The following IP6K1 variants were observed in gnomAD, a reference collection of about 807,000 sequenced individuals.
IP6K1 encodes the protein ATP:1D-myo-inositol-hexakisphosphate phosphotransferase.
Under a neutral mutation model 38.3 loss-of-function variants are expected in IP6K1, and 13 were observed. The observed-to-expected ratio is 0.34, with a 90% CI of 0.22 to 0.54. IP6K1 has a LOEUF of 0.54. IP6K1 is among the 20% of genes least tolerant of loss of function. The probability of loss-of-function intolerance (pLI) is 0.92; values close to 1 mark genes in which losing one functional copy is unlikely to be tolerated. For missense variants in IP6K1, 397 were observed against 599.8 expected (o/e 0.66, Z 3.53); for synonymous variants, 212 against 229.9 (o/e 0.92, Z 0.70).
intron 1 of IP6K1, among the ~76,000 whole-genome samples, chr3:49,752,782 C>T (rs1211379878): frequency 7.1e-6 from 1 of 140,706 alleles, no homozygotes; most frequent in South Asian, 2.2e-4. Flanking sequence ...GAGACAGAGT[C>T]TCACTTCGTC....
At chr3:49,765,560 G>C (rs1386593970) in intron 1 of IP6K1, among the ~76,000 whole-genome samples, 2 of 142,524 alleles carry the variant, frequency 1.4e-5, no homozygotes, top group East Asian at 4.2e-4. Context: ...TGAAGCAGAA[G>C]AATCACTTGA....
At chr3:49,751,132 G>A (rs1333786969) in intron 1 of IP6K1, among the ~76,000 whole-genome samples, 1 of 142,890 alleles carries the variant, frequency 7.0e-6, no homozygotes, top group African/African-American at 2.6e-5. Flanking sequence ...CCTGGAAATA[G>A]CAACGGCTCT....
In IP6K1 at chr3:49,761,111, C is replaced by G. The variant is rs1015717329; in HGVS notation, c.-128-12943G>C. Among the ~76,000 whole-genome samples, 3 of 150,260 alleles carry G rather than the reference C, an allele frequency of 2.0e-5. No individual in the cohort carries two copies. The East Asian group carries it at 5.9e-4, about 29-fold the overall frequency. ...CGAATGGATCACGAGGTCAAGAGAT[C>G]GAGACCATCCTGGCCAACACGGTGA... On this transcript the variant is annotated intron_variant, in intron 1 of 5. Coordinates refer to ENST00000321599, the MANE Select transcript of IP6K1 (RefSeq NM_153273.4).
chr3:49,783,419 A>C (rs1384937743), intron 1 of IP6K1, among the ~76,000 whole-genome samples: 1 of 151,790 alleles, frequency 6.6e-6, no homozygotes, highest in Non-Finnish European at 1.5e-5. Flanking sequence ...AATTTTGAAA[A>C]GCTAATATTT....
chr3:49,761,075 G>A (rs945740880), intron 1 of IP6K1, among the ~76,000 whole-genome samples: 6 of 152,100 alleles, frequency 3.9e-5, no homozygotes, highest in African/African-American at 1.4e-4. Flanking sequence ...CAGCACTTTG[G>A]GAGGCCGAGG....
At position 49,747,681 on chromosome 3, in the gene IP6K1, T is replaced by G; in HGVS notation, c.223+137A>C. The G allele has an allele frequency of 8.9e-6, 10 of 1,128,202 alleles. No homozygotes were observed. In the South Asian group the frequency reaches 1.6e-4, roughly 18 times the overall value. The allele number at this position is 1,128,202 out of a possible 1,614,324, so 69.9% of individuals were successfully genotyped here. ...TGCTGATGCTTTCAGCCTCTAATTTTATCTAACAAAGTGACTTCGTGCTTT... is the reference window on the plus strand; with the variant it reads ...TGCTGATGCTTTCAGCCTCTAATTTGATCTAACAAAGTGACTTCGTGCTTT... On this transcript the variant is annotated intron_variant, in intron 2 of 5. Coordinates refer to ENST00000321599, the MANE Select transcript of IP6K1 (RefSeq NM_153273.4).
rs965234290 is a variant in IP6K1, at chr3:49,747,723, A to T, written c.223+95T>A. 15 of 1,523,550 alleles carry T rather than the reference A, an allele frequency of 9.8e-6. No individual in the cohort carries two copies. The African/African-American group carries it at 1.8e-4, about 18-fold the overall frequency. The allele number at this position is 1,523,550 out of a possible 1,614,324, so 94.4% of individuals were successfully genotyped here. A position where few individuals can be genotyped will look rare whatever the true frequency, so the allele number is the denominator to read the frequency against. On this transcript the variant is annotated intron_variant, in intron 2 of 5. Coordinates refer to ENST00000321599, the MANE Select transcript of IP6K1 (RefSeq NM_153273.4). ...TCGTGCTTTGAGAAAAAAGACCTACAATGATATATCATGGCAAACAAACCA... is the reference window on the plus strand; with the variant it reads ...TCGTGCTTTGAGAAAAAAGACCTACTATGATATATCATGGCAAACAAACCA...
At chr3:49,744,401 C>CAAAAAAAAAA (rs56916226) in intron 2 of IP6K1, among the ~76,000 whole-genome samples, 1 of 76,178 alleles carries the variant, frequency 1.3e-5, no homozygotes, top group Non-Finnish European at 2.3e-5. Flanking sequence ...GACTCCGTCT[C>CAAAAAAAAAA]AAAAAAAAAA....
intron 3 of IP6K1, among the ~76,000 whole-genome samples, chr3:49,733,723 A>C (rs1234928192): frequency 6.6e-6 from 1 of 152,218 alleles, no homozygotes; most frequent in African/African-American, 2.4e-5. Flanking sequence ...AGAAACTAGA[A>C]AAGTGGTTGC....
At chr3:49,732,392 T>A (rs1293740394) in intron 4 of IP6K1, among the ~76,000 whole-genome samples, 1 of 152,218 alleles carries the variant, frequency 6.6e-6, no homozygotes, top group East Asian at 1.9e-4. Flanking sequence ...ATTGTGGACA[T>A]GATCAATATA....
intron 1 of IP6K1, among the ~76,000 whole-genome samples, chr3:49,763,880 C>T (rs545759864): frequency 2.8e-4 from 43 of 151,816 alleles, no homozygotes; most frequent in Admixed American, 5.9e-4. Context: ...AAATTAGCTG[C>T]GCATGGTGGC....
chr3:49,734,778 A>T (rs1013706102), intron 3 of IP6K1, among the ~76,000 whole-genome samples: 1 of 152,164 alleles, frequency 6.6e-6, no homozygotes. Context: ...AAACCCAAAG[A>T]AGTTCTCTGC....
chr3:49,727,286 A>AG lies in IP6K1; in HGVS notation c.1161dup (p.Ser388LeufsTer12), dbSNP rs1235499850. The AG allele has an allele frequency of 6.2e-7, 1 of 1,614,008 alleles. No homozygotes were observed. Among genetic ancestry groups the AG allele is most frequent in the Non-Finnish European group, 8.5e-7 (1 of 1,180,016 alleles). ...CGGACATCCACCTTGGGCTGAGAGGAGGGACCCGCCTCGGGGCTGGTGTTG... is the reference window on the plus strand; with the variant it reads ...CGGACATCCACCTTGGGCTGAGAGGAGGGGACCCGCCTCGGGGCTGGTGTTG... On this transcript the variant is annotated frameshift_variant, in exon 6 of 6. Transcript: ENST00000321599. LOFTEE classifies it high-confidence loss of function. The surrounding 1 kb of genome is among the most constrained non-coding windows in gnomAD (Gnocchi z 5.9).
intron 1 of IP6K1, among the ~76,000 whole-genome samples, chr3:49,777,072 T>G (rs1559716322): frequency 4.0e-5 from 6 of 151,854 alleles, no homozygotes. Flanking sequence ...CCATCTCTAC[T>G]AAAAAAATCA....
intron 4 of IP6K1, among the ~76,000 whole-genome samples, chr3:49,731,871 G>C (rs1016805406): frequency 4.1e-5 from 2 of 48,560 alleles, no homozygotes; most frequent in Non-Finnish European, 9.2e-5. Flanking sequence ...CTGGGTAACA[G>C]AGTGAGACTC....
intron 2 of IP6K1, among the ~76,000 whole-genome samples, chr3:49,746,446 C>T (rs1404175413): frequency 1.3e-5 from 2 of 148,520 alleles, no homozygotes; most frequent in Non-Finnish European, 3.0e-5. Context: ...CCGAGGCAGG[C>T]GGATCACAAG....
At chr3:49,780,361 C>G in intron 1 of IP6K1, among the ~76,000 whole-genome samples, 1 of 146,678 alleles carries the variant, frequency 6.8e-6, no homozygotes, top group South Asian at 2.2e-4. Flanking sequence ...CTTTCCTACC[C>G]AGAATCTATT....
At chr3:49,785,708 C>A (rs2108269273) in intron 1 of IP6K1, 1 of 152,310 alleles carries the variant, frequency 6.6e-6, no homozygotes, top group South Asian at 2.1e-4. Flanking sequence ...TTACCACTCT[C>A]CAAAAAGTGG....
chr3:49,738,759 C>T (rs1268168242), intron 2 of IP6K1, among the ~76,000 whole-genome samples: 1 of 152,180 alleles, frequency 6.6e-6, no homozygotes, highest in African/African-American at 2.4e-5. Context: ...ACTTAACCCT[C>T]TAGTTACTTA....
Sources: gnomAD v4.1 joint callset for allele counts (sites outside exome capture counted in the v4.1 genomes callset) on GRCh38, gnomAD v4.1.1 for gene constraint, Gnocchi (gnomAD v3.1) non-coding constraint, MANE v1.5 for transcripts, NCBI Gene and HGNC (gene_info 2026-07-23, HGNC 2026-07-21) for gene names.